DHRS4L2: variants seen among roughly 807,000 people sequenced by gnomAD.
The protein encoded by DHRS4L2 is dehydrogenase/reductase SDR family member 4-like 2.
DHRS4L2 carries 22 observed loss-of-function variants against 23.9 expected under a neutral mutation model. The ratio of observed to expected loss-of-function variants is 0.92; its 90% CI spans 0.66 to 1.31. The LOEUF (loss-of-function observed/expected upper bound fraction) is 1.31. Ranked by LOEUF, DHRS4L2 falls within the 40% of genes most tolerant of loss-of-function variation. The pLI, the probability that DHRS4L2 is intolerant of heterozygous loss-of-function variation, is 0.00. For missense variants in DHRS4L2, 385 were observed against 303.3 expected (o/e 1.27, Z -2.00); for synonymous variants, 141 against 123.7 (o/e 1.14, Z -0.93).
At chr14:23,977,202 C>A (rs1164145368) in intron 1 of DHRS4L2, among the ~76,000 whole-genome samples, 3 of 151,896 alleles carry the variant, frequency 2.0e-5, no homozygotes, top group Non-Finnish European at 4.4e-5. Flanking sequence ...ACCTACAAAT[C>A]CATTCACTGT....
At position 23,988,942 on chromosome 14, in the gene DHRS4L2, T is replaced by C. The variant is rs375454063; in HGVS notation, c.-6T>C. 5.6e-6 allele frequency: 9 copies of C among 1,611,902 alleles called. No individual in the cohort carries two copies. Among genetic ancestry groups the C allele is most frequent in the Non-Finnish European group, 5.9e-6 (7 of 1,179,028 alleles). On this transcript the variant is annotated 5_prime_UTR_variant, in exon 1 of 8. Transcript: ENST00000335125. ...GGAGTGGAACCCAGACTTGCTGGTC[T>C]GATCCATGCAGATGGCCAGGCTGCT...
intron 2 of DHRS4L2, among the ~76,000 whole-genome samples, chr14:23,992,735 C>G (rs148909719): frequency 6.6e-6 from 1 of 150,728 alleles, no homozygotes; most frequent in Non-Finnish European, 1.5e-5. Flanking sequence ...GCCCAGGCTG[C>G]AGTGCAGTGA....
At chr14:23,985,738 A>G (rs1425995372), upstream of DHRS4L2, among the ~76,000 whole-genome samples, 1 of 151,434 alleles carries the variant, frequency 6.6e-6, no homozygotes, top group Non-Finnish European at 1.5e-5. Context: ...TTTGAGATGG[A>G]GTCGCTCCTT....
Position 24,001,092 on chromosome 14 carries a change from C to A in DHRS4L2, c.531+8C>A, listed in dbSNP as rs1227041359. ...GCCTTCAGTCCATCTCCTGTAAGAA[C>A]CCTTTTGTCTACCTCTTCCATCCCA... is the stretch of plus-strand genomic sequence containing the variant. On this transcript the variant is annotated splice_region_variant and intron_variant, in intron 5 of 7. Coordinates refer to ENST00000335125, the MANE Select transcript of DHRS4L2 (RefSeq NM_198083.4). 3 of 1,610,710 alleles carry A rather than the reference C, an allele frequency of 1.9e-6. No homozygotes were observed. In the Admixed American group the frequency reaches 5.0e-5, roughly 27 times the overall value.
intron 5 of DHRS4L2, 53 bp from the exon 6 acceptor site, chr14:24,001,331 A>G (rs2034484214): frequency 6.3e-7 from 1 of 1,586,038 alleles, no homozygotes; most frequent in Admixed American, 1.8e-5. Flanking sequence ...TAGTTATTAG[A>G]ACCAAGAATG....
chr14:23,975,127 A>T (rs888291862), intron 1 of DHRS4L2, among the ~76,000 whole-genome samples: 11 of 151,736 alleles, frequency 7.2e-5, no homozygotes, highest in African/African-American at 2.4e-4. Flanking sequence ...TTCAATTAGG[A>T]AAAGAGGAAG....
rs1481863179 is a variant in DHRS4L2 at position 23,999,365 on chromosome 14, A to C, written c.409-1498A>C. ...TTTGTAAAAAAAAAAAAAAAAAAAA[A>C]AAAAAAAAACAATATCTGCAAAGCA... On this transcript the variant is annotated intron_variant, in intron 3 of 7. Transcript: ENST00000335125. Among the ~76,000 whole-genome samples the C allele has an allele frequency of 1.4e-5, 2 of 143,524 alleles. 1 individual carries two copies. Among genetic ancestry groups the C allele is most frequent in the Non-Finnish European group, 3.0e-5 (2 of 66,156 alleles). The allele number at this position is 143,524 out of a possible 152,430, so 94.2% of individuals were successfully genotyped here. A position where few individuals can be genotyped will look rare whatever the true frequency, so the allele number is the denominator to read the frequency against.
intron 3 of DHRS4L2, among the ~76,000 whole-genome samples, chr14:23,996,650 C>CTTTT (rs771033729): frequency 6.1e-5 from 8 of 131,188 alleles, no homozygotes; most frequent in African/African-American, 8.6e-5. Flanking sequence ...GTCTTTTTTC[C>CTTTT]TTTTTTTTTT....
In DHRS4L2 at chr14:23,994,969, C is replaced by T; in HGVS notation, c.307-63C>T. The T allele has an allele frequency of 1.9e-6, 3 of 1,593,926 alleles. No individual in the cohort carries two copies. In the South Asian group the frequency reaches 3.3e-5, roughly 18 times the overall value. Reference sequence around the variant, plus strand: ...TTGCCCAGAAGGAAGTTTTTATCAACATGGGTAAATGCACCTCCCTTACTT... The same window carrying T: ...TTGCCCAGAAGGAAGTTTTTATCAATATGGGTAAATGCACCTCCCTTACTT... On this transcript the variant is annotated intron_variant, in intron 2 of 7. Transcript: ENST00000335125.
intron 6 of DHRS4L2, 77 bp downstream of exon 6, chr14:24,001,594 C>G: frequency 6.4e-7 from 1 of 1,557,230 alleles, no homozygotes; most frequent in South Asian, 1.2e-5. Context: ...AGCCCACTAC[C>G]TGAGTCCTGA....
chr14:23,980,918 C>T (rs1195877088), intron 1 of DHRS4L2, among the ~76,000 whole-genome samples: 1 of 151,658 alleles, frequency 6.6e-6, no homozygotes, highest in African/African-American at 2.4e-5. Context: ...ATTCTCTCAC[C>T]ACTCCTATTC....
rs770560853 is a variant in DHRS4L2 at position 24,001,024 on chromosome 14, T to A, written c.480-9T>A. The A allele has an allele frequency of 5.6e-6, 9 of 1,611,482 alleles. No individual in the cohort carries two copies. In the Admixed American group the frequency reaches 1.5e-4, roughly 27 times the overall value. ...ACTGGGAAGACGGTCAGCTCTCTTC[T>A]TTTTCCAGAGGCGGCTCAGTGGTGA... On this transcript the variant is annotated splice_polypyrimidine_tract_variant and intron_variant, in intron 4 of 7. Transcript: ENST00000335125.
intron 1 of DHRS4L2, among the ~76,000 whole-genome samples, chr14:23,978,918 A>G (rs2034012732): frequency 6.9e-6 from 1 of 144,582 alleles, no homozygotes; most frequent in Admixed American, 7.0e-5. Flanking sequence ...CTAGCATCAT[A>G]ATGACAGGAT....
At chr14:23,995,164 G>T in intron 3 of DHRS4L2, 31 bp downstream of exon 3, 1 of 1,608,184 alleles carries the variant, frequency 6.2e-7, no homozygotes, top group Non-Finnish European at 8.5e-7. Flanking sequence ...CGCGGAAGGG[G>T]GCCTCGGGAC....
Position 24,005,926 on chromosome 14 carries a change from C to T in DHRS4L2, c.*63C>T. The T allele has an allele frequency of 6.2e-7, 1 of 1,610,166 alleles. No homozygotes were observed. On this transcript the variant is annotated 3_prime_UTR_variant, in exon 8 of 8. Coordinates refer to ENST00000335125, the MANE Select transcript of DHRS4L2 (RefSeq NM_198083.4). ...GGATTGTGCTGGCATCGTGTCTTTC[C>T]TGTGCTCTGAAGATGCCAGCTACAT...
intron 1 of DHRS4L2, among the ~76,000 whole-genome samples, chr14:23,973,252 G>T (rs1231990570): frequency 6.6e-6 from 1 of 151,876 alleles, no homozygotes; most frequent in Admixed American, 6.6e-5. Flanking sequence ...TGCTTTCAAG[G>T]GCAGAGGTCC....
rs546575367 is a variant in DHRS4L2, at chr14:24,001,594, C to T, written c.665+77C>T. 1.8e-4 allele frequency: 276 copies of T among 1,557,228 alleles called. 18 individuals carry two copies. In the Middle Eastern group the frequency reaches 2.4e-3, roughly 14 times the overall value. On this transcript the variant is annotated intron_variant, in intron 6 of 7. Transcript: ENST00000335125. ...CTTCTTGGACAGGGAAGCCCACTAC[C>T]TGAGTCCTGAGCTCTCAGCCACTCC...
At chr14:23,991,131 A>T (rs2034260753) in intron 2 of DHRS4L2, among the ~76,000 whole-genome samples, 1 of 151,852 alleles carries the variant, frequency 6.6e-6, no homozygotes, top group East Asian at 1.9e-4. Context: ...CCAAAAATGG[A>T]AAGTACAGGA....
At chr14:23,980,774 T>G (rs1302271399) in intron 1 of DHRS4L2, among the ~76,000 whole-genome samples, 1 of 151,396 alleles carries the variant, frequency 6.6e-6, no homozygotes, top group Non-Finnish European at 1.5e-5. Flanking sequence ...CTAAAAACTC[T>G]CAATAAACTA....
Sources: gnomAD v4.1 joint callset for allele counts (sites outside exome capture counted in the v4.1 genomes callset) on GRCh38, gnomAD v4.1.1 for gene constraint, MANE v1.5 for transcripts, NCBI Gene and HGNC (gene_info 2026-07-23, HGNC 2026-07-21) for gene names.